Variants in CIB2 observed in about 807,000 individuals in gnomAD.
CIB2 encodes the protein calcium and integrin binding family member 2.
A neutral mutation model predicts 23.1 loss-of-function variants in CIB2; 19 were observed. The ratio of observed to expected loss-of-function variants is 0.82; its 90% CI spans 0.57 to 1.21. The LOEUF (loss-of-function observed/expected upper bound fraction) is 1.21. Among genes scored for constraint, CIB2 ranks in the 50% most tolerant of loss-of-function variants. The pLI, the probability that CIB2 is intolerant of heterozygous loss-of-function variation, is 0.00. For synonymous variants in CIB2, 94 were observed against 91.7 expected, an observed-to-expected ratio of 1.03 and a Z score of -0.14; for missense variants, 220 against 241.5, an observed-to-expected ratio of 0.91 and a Z score of 0.59.
chr15:78,127,977 G>A (rs2074404001), intron 1 of CIB2, among the ~76,000 whole-genome samples: 1 of 152,206 alleles, frequency 6.6e-6, no homozygotes, highest in Admixed American at 6.5e-5. Context: ...TCTTTGTCTA[G>A]AGTTCTTTGC....
At chr15:78,127,534 G>A (rs2074397443) in intron 1 of CIB2, among the ~76,000 whole-genome samples, 2 of 152,252 alleles carry the variant, frequency 1.3e-5, no homozygotes, top group East Asian at 1.9e-4. Flanking sequence ...TTCTGCCTCC[G>A]AGCCTATATT....
intron 4 of CIB2, among the ~76,000 whole-genome samples, chr15:78,107,377 G>T (rs895132504): frequency 2.6e-5 from 4 of 152,144 alleles, no homozygotes; most frequent in African/African-American, 7.2e-5. Flanking sequence ...ACAACTCTAG[G>T]GTATGCGTCA....
intron 4 of CIB2, among the ~76,000 whole-genome samples, chr15:78,108,871 A>G (rs1349938403): frequency 6.6e-6 from 1 of 151,296 alleles, no homozygotes; most frequent in Admixed American, 6.6e-5. Context: ...TCTCCTTATC[A>G]AGCTCTGCGC....
intron 2 of CIB2, among the ~76,000 whole-genome samples, chr15:78,121,182 C>G (rs2074312829): frequency 6.6e-6 from 1 of 152,166 alleles, no homozygotes; most frequent in African/African-American, 2.4e-5. Context: ...GCAGCAAACT[C>G]CAGGTAGCTC....
Position 78,111,301 on chromosome 15 carries a change from G to A in CIB2, c.87-25C>T, listed in dbSNP as rs376449619. On this transcript the variant is annotated intron_variant, in intron 2 of 5. Transcript: ENST00000258930. ...CCTTGGAGGAAAGCAGAGAAAAAGC[G>A]CTGGAGGGGGTGCCATCCCTAAGCC... 1.4e-5 allele frequency: 22 copies of A among 1,588,928 alleles called. 1 individual carries two copies. Among genetic ancestry groups the A allele is most frequent in the South Asian group, 1.1e-4 (10 of 89,716 alleles).
At chr15:78,114,623 G>A (rs2074210586) in intron 2 of CIB2, among the ~76,000 whole-genome samples, 1 of 152,048 alleles carries the variant, frequency 6.6e-6, no homozygotes, top group African/African-American at 2.4e-5. Flanking sequence ...TGCATAGATA[G>A]ATGAAAAAGT....
chr15:78,131,017 G>A lies in CIB2; in HGVS notation c.51+148C>T, dbSNP rs1461831874. 7 of 515,042 alleles carry A rather than the reference G, an allele frequency of 1.4e-5. No homozygotes were observed. Among genetic ancestry groups the A allele is most frequent in the Non-Finnish European group, 2.2e-5 (7 of 314,922 alleles). The allele number at this position is 515,042 out of a possible 1,614,324, so 31.9% of individuals were successfully genotyped here. A position where few individuals can be genotyped will look rare whatever the true frequency, so the allele number is the denominator to read the frequency against. ...TGAGGCACGGCGAGGGGAAGTCACCGGCCCAAGGTCACGCGTCGAGCTGAA... is the reference window on the plus strand; with the variant it reads ...TGAGGCACGGCGAGGGGAAGTCACCAGCCCAAGGTCACGCGTCGAGCTGAA... On this transcript the variant is annotated intron_variant, in intron 1 of 5. Coordinates refer to ENST00000258930, the MANE Select transcript of CIB2 (RefSeq NM_006383.4). This position sits in a 1 kb window ranked among gnomAD's most constrained non-coding sequence, Gnocchi z 5.8.
At chr15:78,114,819 G>A (rs2074214273) in intron 2 of CIB2, among the ~76,000 whole-genome samples, 1 of 151,268 alleles carries the variant, frequency 6.6e-6, no homozygotes, top group South Asian at 2.1e-4. Flanking sequence ...GTGGTGATAT[G>A]CATCAGTAGT....
rs60332437 is a variant in CIB2, at chr15:78,117,246, C to CAAAAAAAAAAAAAAAAAAAAAAAAA, written c.87-5995_87-5971dup. Among the ~76,000 whole-genome samples the CAAAAAAAAAAAAAAAAAAAAAAAAA allele has an allele frequency of 4.1e-4, 23 of 55,472 alleles. 1 individual carries two copies. The highest frequency in any genetic ancestry group is 1.8e-3 in the Admixed American group (7 of 3,970). 36.4% of individuals were successfully genotyped at this position (55,472 alleles called of 152,430 possible). A position where few individuals can be genotyped will look rare whatever the true frequency, so the allele number is the denominator to read the frequency against. On this transcript the variant is annotated intron_variant, in intron 2 of 5. Coordinates refer to ENST00000258930, the MANE Select transcript of CIB2 (RefSeq NM_006383.4). ...GTTAAGTGTTTCTTCAAGCTACTGG[C>CAAAAAAAAAAAAAAAAAAAAAAAAA]AAAAAAAAAAAAAAAAAAAAAAAAA...
chr15:78,125,918 C>T (rs2074374784), intron 1 of CIB2, among the ~76,000 whole-genome samples: 2 of 152,164 alleles, frequency 1.3e-5, no homozygotes, highest in Admixed American at 1.3e-4. Context: ...CTGAAAACCA[C>T]ATCACAACCA....
chr15:78,107,210 C>T (rs1417928388), intron 4 of CIB2, among the ~76,000 whole-genome samples: 2 of 151,972 alleles, frequency 1.3e-5, no homozygotes, highest in Non-Finnish European at 2.9e-5. Context: ...ACTCCAGCCT[C>T]GTTGACAGAG....
chr15:78,126,591 C>T (rs747721617), intron 1 of CIB2, among the ~76,000 whole-genome samples: 1 of 152,194 alleles, frequency 6.6e-6, no homozygotes, highest in Non-Finnish European at 1.5e-5. Context: ...CCATGTCCTG[C>T]GTCTGCTGTG....
Position 78,131,112 on chromosome 15 carries a change from A to AG in CIB2, c.51+52dup. 7.2e-7 allele frequency: 1 copy of AG among 1,384,288 alleles called. No individual in the cohort carries two copies. Among genetic ancestry groups the AG allele is most frequent in the Non-Finnish European group, 9.6e-7 (1 of 1,040,210 alleles). The allele number at this position is 1,384,288 out of a possible 1,614,324, so 85.8% of individuals were successfully genotyped here. A position where few individuals can be genotyped will look rare whatever the true frequency, so the allele number is the denominator to read the frequency against. ...CCTCGGCCAGCGACCGAGAAAAGGG[A>AG]GGGGCGGCGGGGCGGCGGGGCCTGT... On this transcript the variant is annotated intron_variant, in intron 1 of 5. Coordinates refer to ENST00000258930, the MANE Select transcript of CIB2 (RefSeq NM_006383.4). The surrounding 1 kb of genome is among the most constrained non-coding windows in gnomAD (Gnocchi z 5.8).
rs746255131 is a variant in CIB2 at position 78,131,183 on chromosome 15, C to G, written c.33G>C (p.Glu11Asp). ...AGCTCACCTGGTAGTTGTCTAGCTG[C>G]TCTTCGGTGAAGATGGTCTGCTTGT... The part of the protein sequence containing the change: MGNKQTIFTE[E>D]QLDNYQDCTF... Residue 11 changes from glutamate (E) to aspartate (D), a missense_variant, in exon 1 of 6, where the codon GAG becomes GAC. Glu to Asp is a conservative substitution (Grantham distance 45, BLOSUM62 2). Coordinates refer to ENST00000258930, the MANE Select transcript of CIB2 (RefSeq NM_006383.4). This position sits in a 1 kb window ranked among gnomAD's most constrained non-coding sequence, Gnocchi z 5.8. 1 of 1,591,148 alleles carries G rather than the reference C, an allele frequency of 6.3e-7. No individual in the cohort carries two copies. The highest frequency in any genetic ancestry group is 1.1e-5 in the South Asian group (1 of 89,170).
chr15:78,121,280 G>A lies in CIB2; in HGVS notation c.86+2425C>T, dbSNP rs529476306. Reference sequence around the variant, plus strand: ...CTCCTGCAAGCAATGTCATCCCCATGCTGCAGACGGGGCCTCAGGCTTGGG... The same window carrying A: ...CTCCTGCAAGCAATGTCATCCCCATACTGCAGACGGGGCCTCAGGCTTGGG... On this transcript the variant is annotated intron_variant, in intron 2 of 5. Coordinates refer to ENST00000258930, the MANE Select transcript of CIB2 (RefSeq NM_006383.4). Among the ~76,000 whole-genome samples the A allele has an allele frequency of 4.6e-5, 7 of 152,310 alleles. No homozygotes were observed. The East Asian group carries it at 1.4e-3, about 29-fold the overall frequency.
At position 78,127,237 on chromosome 15, in the gene CIB2, T is replaced by C. The variant is rs532174733; in HGVS notation, c.52-3498A>G. On this transcript the variant is annotated intron_variant, in intron 1 of 5. Coordinates refer to ENST00000258930, the MANE Select transcript of CIB2 (RefSeq NM_006383.4). ...AGTCACCAAACACCCTGCCCACCACTACACCCTCAGCTGCCCTGGGAGCTA... is the reference window on the plus strand; with the variant it reads ...AGTCACCAAACACCCTGCCCACCACCACACCCTCAGCTGCCCTGGGAGCTA... Among the ~76,000 whole-genome samples the C allele has an allele frequency of 6.2e-4, 95 of 152,262 alleles. No homozygotes were observed. In the Middle Eastern group the frequency reaches 0.01, roughly 16 times the overall value.
chr15:78,127,250 G>A (rs546118830), intron 1 of CIB2, among the ~76,000 whole-genome samples: 19 of 152,282 alleles, frequency 1.2e-4, no homozygotes, highest in African/African-American at 4.3e-4. Flanking sequence ...ACCCTCAGCT[G>A]CCCTGGGAGC....
chr15:78,116,541 G>C (rs2074243847), intron 2 of CIB2, among the ~76,000 whole-genome samples: 1 of 151,994 alleles, frequency 6.6e-6, no homozygotes, highest in African/African-American at 2.4e-5. Flanking sequence ...ATTTTATATA[G>C]GGACTTAAGC....
In CIB2 at chr15:78,131,236, T is replaced by G. The variant is rs1567062069; in HGVS notation, c.-21A>C. The G allele has an allele frequency of 2.0e-6, 3 of 1,487,306 alleles. No individual in the cohort carries two copies. The highest frequency in any genetic ancestry group is 5.4e-5 in the East Asian group (2 of 36,840). The allele number at this position is 1,487,306 out of a possible 1,614,324, so 92.1% of individuals were successfully genotyped here. A position where few individuals can be genotyped will look rare whatever the true frequency, so the allele number is the denominator to read the frequency against. ...CCCATGGTGGCCGCCGCGCCGCCGC[T>G]CGCCCGCCCGGGCTCCGACTCCCAT... On this transcript the variant is annotated 5_prime_UTR_variant, in exon 1 of 6. Transcript: ENST00000258930. This position sits in a 1 kb window ranked among gnomAD's most constrained non-coding sequence, Gnocchi z 5.8.
Sources: allele counts gnomAD v4.1 joint callset (sites outside exome capture counted in the v4.1 genomes callset), GRCh38; gene constraint gnomAD v4.1.1; non-coding constraint Gnocchi (gnomAD v3.1); transcripts MANE v1.5; gene names NCBI Gene and HGNC (gene_info 2026-07-23, HGNC 2026-07-21).